The following KLF12 variants were observed in gnomAD, a reference collection of about 807,000 sequenced individuals.
The protein encoded by KLF12 is Krueppel-like factor 12.
A neutral mutation model predicts 37.8 loss-of-function variants in KLF12; 9 were observed. The ratio of observed to expected loss-of-function variants is 0.24; its 90% CI spans 0.14 to 0.42. The LOEUF (loss-of-function observed/expected upper bound fraction) is 0.42. Ranked by LOEUF, KLF12 falls within the 10% of genes least tolerant of loss-of-function variation. KLF12 has a pLI of 1.00. For missense variants in KLF12, 411 were observed against 516.0 expected, an observed-to-expected ratio of 0.80 and a Z score of 1.97; for synonymous variants, 208 against 202.1, an observed-to-expected ratio of 1.03 and a Z score of -0.25.
the KLF12 span, among the ~76,000 whole-genome samples, chr13:74,154,671 C>G: frequency 6.6e-6 from 1 of 152,112 alleles, no homozygotes; most frequent in Admixed American, 6.5e-5. Context: ...ATCCAAATCC[C>G]CTGGATTACC....
chr13:73,990,999 C>T (rs1176521831), intron 2 of KLF12, among the ~76,000 whole-genome samples: 4 of 151,938 alleles, frequency 2.6e-5, no homozygotes, highest in African/African-American at 7.3e-5. Context: ...AAATGAGCAA[C>T]GCATCATCTT....
At chr13:73,849,219 T>C (rs1289198283) in intron 3 of KLF12, among the ~76,000 whole-genome samples, 1 of 151,754 alleles carries the variant, frequency 6.6e-6, no homozygotes, top group Non-Finnish European at 1.5e-5. Flanking sequence ...TTTTAGGAAA[T>C]GGAAAATCAA....
chr13:73,998,564 AG>A (rs1453627518), intron 1 of KLF12, among the ~76,000 whole-genome samples: 1 of 152,218 alleles, frequency 6.6e-6, no homozygotes, highest in Non-Finnish European at 1.5e-5. Flanking sequence ...TGTGTTTTCC[AG>A]CACCGATTTT....
chr13:73,954,267 C>CGCA (rs962320713), intron 2 of KLF12, among the ~76,000 whole-genome samples: 4 of 152,040 alleles, frequency 2.6e-5, no homozygotes, highest in African/African-American at 7.2e-5. Context: ...CGAAACCCAC[C>CGCA]GCACCCAGCC....
At chr13:74,056,088 TA>T (rs1873228078) in intron 1 of KLF12, among the ~76,000 whole-genome samples, 1 of 151,380 alleles carries the variant, frequency 6.6e-6, no homozygotes, top group African/African-American at 2.4e-5. Context: ...CAGAAGGAGG[TA>T]AGAGTCCAGC....
the KLF12 span, among the ~76,000 whole-genome samples, chr13:74,255,295 G>T: frequency 6.6e-6 from 1 of 152,090 alleles, no homozygotes; most frequent in African/African-American, 2.4e-5. Context: ...GAGGGTGTTG[G>T]GTACAAAGAC....
intron 1 of KLF12, among the ~76,000 whole-genome samples, chr13:74,084,927 A>G (rs563664280): frequency 6.6e-6 from 1 of 152,322 alleles, no homozygotes; most frequent in South Asian, 2.1e-4. Flanking sequence ...TATAGTTTGC[A>G]GGAGGTTTTG....
At chr13:74,097,632 C>T (rs533944795) in intron 1 of KLF12, among the ~76,000 whole-genome samples, 6 of 152,190 alleles carry the variant, frequency 3.9e-5, no homozygotes, top group South Asian at 4.1e-4. Context: ...ATATTTTAAA[C>T]ACACGTTTAG....
the KLF12 span, among the ~76,000 whole-genome samples, chr13:74,268,537 C>T: frequency 2.6e-5 from 4 of 152,196 alleles, no homozygotes; most frequent in Non-Finnish European, 4.4e-5. Context: ...CATCCCAAAG[C>T]AGCTCACTTA....
At chr13:73,837,598 T>C (rs1013946832) in intron 4 of KLF12, among the ~76,000 whole-genome samples, 2 of 152,210 alleles carry the variant, frequency 1.3e-5, no homozygotes, top group Non-Finnish European at 2.9e-5. Context: ...CTCTCACTAT[T>C]TAACAAGCTC....
chr13:73,738,934 C>T (rs1056110361), intron 6 of KLF12, among the ~76,000 whole-genome samples: 1 of 152,006 alleles, frequency 6.6e-6, no homozygotes. Context: ...TTCTATAAAA[C>T]GGAATAAATA....
At position 73,748,098 on chromosome 13, in the gene KLF12, C is replaced by T. The variant is rs900535708; in HGVS notation, c.869+16840G>A. 5.3e-5 allele frequency among the ~76,000 whole-genome samples: 8 copies of T among 152,108 alleles called. No homozygotes were observed. In the East Asian group the frequency reaches 9.6e-4, roughly 18 times the overall value. On this transcript the variant is annotated intron_variant, in intron 6 of 7. Coordinates refer to ENST00000377669, the MANE Select transcript of KLF12 (RefSeq NM_007249.5). ...TGTGGAGAATCACTTTGGAGACTCG[C>T]CTCTATCACCAGAGGATGAATTATT...
At chr13:74,098,530 T>C (rs1221232067) in intron 1 of KLF12, among the ~76,000 whole-genome samples, 1 of 152,202 alleles carries the variant, frequency 6.6e-6, no homozygotes, top group Non-Finnish European at 1.5e-5. Flanking sequence ...CCTTTATCTG[T>C]AGAAGATGAT....
At chr13:73,780,272 C>T (rs1488590705) in intron 5 of KLF12, among the ~76,000 whole-genome samples, 1 of 152,066 alleles carries the variant, frequency 6.6e-6, no homozygotes, top group Non-Finnish European at 1.5e-5. Flanking sequence ...TTTTGGGAAA[C>T]AGGTGGTGTT....
chr13:73,922,406 T>TCA (rs1889159416), intron 3 of KLF12, among the ~76,000 whole-genome samples: 1 of 152,148 alleles, frequency 6.6e-6, no homozygotes, highest in African/African-American at 2.4e-5. Context: ...ACTGGCAAAA[T>TCA]CAAGAAGCTG....
intron 2 of KLF12, among the ~76,000 whole-genome samples, chr13:73,975,223 G>A (rs765884714): frequency 3.9e-5 from 6 of 152,072 alleles, no homozygotes; most frequent in African/African-American, 9.7e-5. Flanking sequence ...GAGAACACTC[G>A]TTCTACTGTA....
At chr13:74,166,153 C>T in the KLF12 span, among the ~76,000 whole-genome samples, 48 of 135,062 alleles carry the variant, frequency 3.6e-4, no homozygotes, top group African/African-American at 1.2e-3. Flanking sequence ...AGAGCAGTGG[C>T]GCGATCCCAG....
the KLF12 span, among the ~76,000 whole-genome samples, chr13:74,220,863 C>T: frequency 1.3e-4 from 20 of 152,030 alleles, no homozygotes; most frequent in African/African-American, 4.4e-4. Context: ...TTTTAAACGC[C>T]GAATAGCATT....
chr13:74,143,069 C>T, the KLF12 span, among the ~76,000 whole-genome samples: 1 of 144,022 alleles, frequency 6.9e-6, no homozygotes, highest in Non-Finnish European at 1.6e-5. Context: ...CTTCCTTCCT[C>T]TCTTTCCTCC....
Sources: allele counts gnomAD v4.1 joint callset (sites outside exome capture counted in the v4.1 genomes callset), GRCh38; gene constraint gnomAD v4.1.1; transcripts MANE v1.5; gene names NCBI Gene and HGNC (gene_info 2026-07-23, HGNC 2026-07-21).